The following ZNF793 variants were observed in gnomAD, a reference collection of about 807,000 sequenced individuals.
ZNF793 encodes the protein zinc finger protein 793.
Under a neutral mutation model 12.4 loss-of-function variants are expected in ZNF793, and 5 were observed. The ratio of observed to expected loss-of-function variants is 0.40; its 90% CI spans 0.21 to 0.84. The LOEUF (loss-of-function observed/expected upper bound fraction) is 0.84. Ranked by LOEUF, ZNF793 falls within the 40% of genes least tolerant of loss-of-function variation. ZNF793 has a pLI of 0.35. For missense variants in ZNF793, 456 were observed against 495.0 expected, an observed-to-expected ratio of 0.92 and a Z score of 0.75; for synonymous variants, 162 against 172.4, an observed-to-expected ratio of 0.94 and a Z score of 0.47.
chr19:37,531,633 A>T (rs1443840835), intron 5 of ZNF793, among the ~76,000 whole-genome samples: 1 of 152,188 alleles, frequency 6.6e-6, no homozygotes, highest in Non-Finnish European at 1.5e-5. Context: ...TCAGCTTTCC[A>T]TATCCCTGGG....
In ZNF793 at chr19:37,537,550, C is replaced by T. The variant is rs201336836; in HGVS notation, c.892C>T (p.Arg298Cys). The T allele has an allele frequency of 1.4e-4, 231 of 1,614,098 alleles. No homozygotes were observed. In the African/African-American group the frequency reaches 1.4e-3, roughly 10 times the overall value. ...GAAAGCCTTTACCCAGAAGTCACAC[C>T]GCACAGAACATCAGAGAACACACAC... ...CGKAFTQKSH[R>C]TEHQRTHTGE... Residue 298 changes from arginine (R) to cysteine (C), a missense_variant, in exon 8 of 8, where the codon CGC becomes TGC. Physicochemically the swap from Arg to Cys is radical, Grantham distance 180. Coordinates refer to ENST00000627814, the MANE Select transcript of ZNF793 (RefSeq NM_001013659.3).
At chr19:37,532,584 G>C in intron 6 of ZNF793, 102 bp downstream of exon 6, 1 of 1,352,780 alleles carries the variant, frequency 7.4e-7, no homozygotes, top group South Asian at 1.5e-5. Flanking sequence ...GCCAAGGCAG[G>C]TGGATCACCT....
At chr19:37,529,466 T>TG (rs1202301640) in intron 5 of ZNF793, among the ~76,000 whole-genome samples, 1 of 152,164 alleles carries the variant, frequency 6.6e-6, no homozygotes, top group East Asian at 1.9e-4. Context: ...CATTTTTTTT[T>TG]TTAATTCAGT....
chr19:37,532,723 G>A (rs567370720), intron 6 of ZNF793, among the ~76,000 whole-genome samples: 1 of 152,134 alleles, frequency 6.6e-6, no homozygotes, highest in South Asian at 2.1e-4. Flanking sequence ...GGAGGCTAAG[G>A]CAGGAGAATT....
At chr19:37,535,921 CAAAG>C (rs2042501096) in intron 7 of ZNF793, 1 of 152,100 alleles carries the variant, frequency 6.6e-6, no homozygotes, top group African/African-American at 2.4e-5. Flanking sequence ...GTCATGATCT[CAAAG>C]AAGAGATGAT....
chr19:37,516,957 C>A (rs1415217083), intron 2 of ZNF793, among the ~76,000 whole-genome samples: 1 of 152,110 alleles, frequency 6.6e-6, no homozygotes, highest in Non-Finnish European at 1.5e-5. Flanking sequence ...GAGATTGACT[C>A]TTTACTAAGA....
At chr19:37,506,651 T>C (rs1329832719), upstream of ZNF793, 2 of 152,218 alleles carry the variant, frequency 1.3e-5, no homozygotes, top group African/African-American at 4.8e-5. Flanking sequence ...ACAGGAGGTT[T>C]TGGCATCTGA....
Position 37,537,025 on chromosome 19 carries a change from T to C in ZNF793, c.367T>C (p.Ser123Pro), listed in dbSNP as rs1377719097. ...TGAATATAATAAGTTTGGGAAAATATCACTTCTGAGCACTGATCTTTTTTC... is the reference window on the plus strand; with the variant it reads ...TGAATATAATAAGTTTGGGAAAATACCACTTCTGAGCACTGATCTTTTTTC... Reference protein sequence around the residue: ...SCEYNKFGKISLLSTDLFSSI... With the variant: ...SCEYNKFGKIPLLSTDLFSSI... Residue 123 changes from serine to proline, a missense_variant, in exon 8 of 8, where the codon TCA becomes CCA. Coordinates refer to ENST00000627814, the MANE Select transcript of ZNF793 (RefSeq NM_001013659.3). 1.9e-6 allele frequency: 3 copies of C among 1,613,814 alleles called. No homozygotes were observed. Among genetic ancestry groups the C allele is most frequent in the African/African-American group, 1.3e-5 (1 of 74,926 alleles).
intron 2 of ZNF793, among the ~76,000 whole-genome samples, chr19:37,508,718 T>C: frequency 6.6e-6 from 1 of 152,002 alleles, no homozygotes; most frequent in South Asian, 2.1e-4. Context: ...GATAAATAAA[T>C]AAATATAAAT....
intron 5 of ZNF793, among the ~76,000 whole-genome samples, chr19:37,524,361 G>A (rs189773488): frequency 2.0e-5 from 3 of 151,868 alleles, no homozygotes; most frequent in Admixed American, 1.3e-4. Flanking sequence ...ATGCTTCATC[G>A]TATGCAAGGG....
intron 7 of ZNF793, chr19:37,535,440 A>G (rs2042497236): frequency 6.6e-6 from 1 of 152,214 alleles, no homozygotes; most frequent in Non-Finnish European, 1.5e-5. Context: ...TTCTATGTAT[A>G]AAAATATAAT....
intron 2 of ZNF793, among the ~76,000 whole-genome samples, chr19:37,519,492 G>T (rs564573195): frequency 6.6e-6 from 1 of 152,102 alleles, no homozygotes; most frequent in African/African-American, 2.4e-5. Context: ...AATAAAACTT[G>T]TTTGGTATTT....
chr19:37,506,862 C>G (rs1482091133), upstream of ZNF793: 1 of 152,252 alleles, frequency 6.6e-6, no homozygotes, highest in African/African-American at 2.4e-5. Flanking sequence ...TTTGAGAAAC[C>G]CAGAATCCTG....
intron 2 of ZNF793, among the ~76,000 whole-genome samples, chr19:37,510,279 TG>T (rs1430556601): frequency 1.3e-5 from 2 of 150,482 alleles, no homozygotes; most frequent in Admixed American, 1.3e-4. Context: ...CCGAGGCAGG[TG>T]GACCACTTGA....
chr19:37,543,217 G>T lies in ZNF793; in HGVS notation c.*5338G>T, dbSNP rs1403723012. On this transcript the variant is annotated 3_prime_UTR_variant, in exon 8 of 8. Transcript: ENST00000627814. ...CACACGAAGGTGTTAACATTCATTGGTTACCTTGGTGGAGAAGGGTAATAA... is the reference window on the plus strand; with the variant it reads ...CACACGAAGGTGTTAACATTCATTGTTTACCTTGGTGGAGAAGGGTAATAA... The T allele has an allele frequency of 1.3e-5, 2 of 152,184 alleles. No individual in the cohort carries two copies. Among genetic ancestry groups the T allele is most frequent in the African/African-American group, 4.8e-5 (2 of 41,444 alleles). The allele number at this position is 152,184 out of a possible 1,614,324, so 9.4% of individuals were successfully genotyped here. A position where few individuals can be genotyped will look rare whatever the true frequency, so the allele number is the denominator to read the frequency against.
At chr19:37,525,175 G>A (rs1323400603) in intron 5 of ZNF793, among the ~76,000 whole-genome samples, 1 of 146,840 alleles carries the variant, frequency 6.8e-6, no homozygotes, top group African/African-American at 2.5e-5. Flanking sequence ...CTTGCTCTCT[G>A]TCGCCCAGGC....
At position 37,537,151 on chromosome 19, in the gene ZNF793, G is replaced by A; in HGVS notation, c.493G>A (p.Glu165Lys). 1 of 1,613,506 alleles carries A rather than the reference G, an allele frequency of 6.2e-7. No individual in the cohort carries two copies. Among genetic ancestry groups the A allele is most frequent in the Non-Finnish European group, 8.5e-7 (1 of 1,179,610 alleles). The change falls in exon 8 of 8, where the codon GAG (glutamate) becomes AAG (lysine). Residue 165 changes from glutamate to lysine, a missense_variant. Glu to Lys is a moderately conservative substitution (Grantham distance 56). Coordinates refer to ENST00000627814, the MANE Select transcript of ZNF793 (RefSeq NM_001013659.3). ...GAGAAACTGTGCAAAAAAGCAAGAT[G>A]AGTGTTATGCTTATGGGAAATTGCT... is the stretch of plus-strand genomic sequence containing the variant. The part of the protein sequence containing the change: ...FKRNCAKKQD[E>K]CYAYGKLLQR...
chr19:37,519,693 A>C (rs904605942), intron 2 of ZNF793, among the ~76,000 whole-genome samples: 3 of 152,246 alleles, frequency 2.0e-5, no homozygotes, highest in African/African-American at 7.2e-5. Flanking sequence ...TACAAAAGAA[A>C]TGCAAATGGC....
intron 2 of ZNF793, among the ~76,000 whole-genome samples, chr19:37,512,480 A>C (rs552694907): frequency 2.0e-5 from 3 of 152,052 alleles, no homozygotes; most frequent in Non-Finnish European, 4.4e-5. Flanking sequence ...ACGCCACTAC[A>C]CTCCAGCCTG....
Sources: allele counts gnomAD v4.1 joint callset (sites outside exome capture counted in the v4.1 genomes callset), GRCh38; gene constraint gnomAD v4.1.1; transcripts MANE v1.5; gene names NCBI Gene and HGNC (gene_info 2026-07-23, HGNC 2026-07-21).